Variants in UBXN7 observed in about 807,000 individuals in gnomAD.
UBXN7 encodes the protein UBX domain-containing protein 7.
UBXN7 carries 9 observed loss-of-function variants against 58.0 expected under a neutral mutation model. The observed-to-expected ratio is 0.16, with a 90% CI of 0.09 to 0.27. UBXN7 has a LOEUF of 0.27. Among genes scored for constraint, UBXN7 ranks in the 10% least tolerant of loss-of-function variants. The probability of loss-of-function intolerance (pLI) is 1.00; values close to 1 mark genes in which losing one functional copy is unlikely to be tolerated. For synonymous variants in UBXN7, 208 were observed against 205.0 expected (o/e 1.01, Z -0.12); for missense variants, 328 against 599.6 (o/e 0.55, Z 4.73).
At chr3:196,418,189 A>G (rs1730564657) in intron 1 of UBXN7, among the ~76,000 whole-genome samples, 1 of 151,974 alleles carries the variant, frequency 6.6e-6, no homozygotes, top group Non-Finnish European at 1.5e-5. Context: ...GTGGGCCGAG[A>G]TCACGCCACT....
In UBXN7 at chr3:196,407,369, T is replaced by C; in HGVS notation, c.98A>G (p.His33Arg). Residue 33 changes from histidine to arginine, a missense_variant, in exon 2 of 11, where the codon CAT becomes CGT. Physicochemically the swap from His to Arg is conservative, Grantham distance 29. Around this residue, in one of 4 missense-constraint regions of UBXN7, gnomAD observed 106 missense variants for 124.3 expected, o/e 0.85. Transcript: ENST00000296328. ...ATTATTGTTGCACGCTTCAAGCATA[T>C]GTTTTCCTACACTTTCACTTGCACC... is the stretch of plus-strand genomic sequence containing the variant. Reference protein sequence around the residue: ...ITGASESVGKHMLEACNNNLE... With the variant: ...ITGASESVGKRMLEACNNNLE... The C allele has an allele frequency of 1.2e-6, 2 of 1,612,410 alleles. No individual in the cohort carries two copies. Among genetic ancestry groups the C allele is most frequent in the East Asian group, 2.2e-5 (1 of 44,826 alleles).
chr3:196,380,428 T>C (rs1338158469), intron 5 of UBXN7, among the ~76,000 whole-genome samples: 2 of 152,110 alleles, frequency 1.3e-5, no homozygotes, highest in Non-Finnish European at 2.9e-5. Context: ...ATTCTGCAAC[T>C]CTAATAACTT....
At chr3:196,429,931 A>G (rs907947594) in intron 1 of UBXN7, among the ~76,000 whole-genome samples, 3 of 152,254 alleles carry the variant, frequency 2.0e-5, no homozygotes. Flanking sequence ...AAGTGAGTCA[A>G]TTCAACTCAC....
At chr3:196,357,855 C>T (rs1262240622) in intron 10 of UBXN7, among the ~76,000 whole-genome samples, 2 of 151,286 alleles carry the variant, frequency 1.3e-5, no homozygotes, top group African/African-American at 2.4e-5. Flanking sequence ...CAATCTTCAT[C>T]TCAAAAAAAG....
intron 8 of UBXN7, among the ~76,000 whole-genome samples, chr3:196,366,585 A>G (rs1728673762): frequency 6.6e-6 from 1 of 151,978 alleles, no homozygotes; most frequent in Admixed American, 6.6e-5. Flanking sequence ...CAATACAATA[A>G]ATACAATACA....
intron 1 of UBXN7, among the ~76,000 whole-genome samples, chr3:196,417,723 TTAAAAAAAAA>T (rs1429500767): frequency 6.4e-5 from 5 of 78,438 alleles, no homozygotes; most frequent in Non-Finnish European, 1.2e-4. Flanking sequence ...GGCAAAATGG[TTAAAAAAAAA>T]AAAAAAAAAA....
intron 5 of UBXN7, among the ~76,000 whole-genome samples, chr3:196,391,122 T>C (rs143036615): frequency 3.8e-4 from 58 of 152,270 alleles, no homozygotes; most frequent in Admixed American, 3.6e-3. Flanking sequence ...CACAGAAATA[T>C]AGACAAAAGA....
At chr3:196,417,083 G>T (rs1018466397) in intron 1 of UBXN7, among the ~76,000 whole-genome samples, 3 of 152,210 alleles carry the variant, frequency 2.0e-5, no homozygotes, top group African/African-American at 7.2e-5. Flanking sequence ...GGGGGCCGAG[G>T]CGGGCGGATC....
chr3:196,398,133 T>C (rs547150256), intron 3 of UBXN7, among the ~76,000 whole-genome samples: 2 of 152,322 alleles, frequency 1.3e-5, no homozygotes, highest in East Asian at 3.9e-4. Flanking sequence ...TCATTTGCTC[T>C]GTGTTAAGAA....
intron 10 of UBXN7, among the ~76,000 whole-genome samples, chr3:196,360,241 G>A (rs1171893522): frequency 6.6e-6 from 1 of 152,184 alleles, no homozygotes; most frequent in Non-Finnish European, 1.5e-5. Flanking sequence ...GTTCACGAAG[G>A]TAACAACACT....
chr3:196,423,823 A>G (rs1157173733), intron 1 of UBXN7, among the ~76,000 whole-genome samples: 5 of 152,138 alleles, frequency 3.3e-5, no homozygotes, highest in Non-Finnish European at 7.4e-5. Flanking sequence ...TCTTGAAGCT[A>G]ATTGTGTTAG....
rs193202344 is a variant in UBXN7, at chr3:196,362,529, G to A, written c.993C>T (p.Ser331=). 5.6e-4 allele frequency: 900 copies of A among 1,614,114 alleles called. 5 individuals carry two copies. The highest frequency in any genetic ancestry group is 5.1e-3 in the East Asian group (231 of 44,874). ...CTTCTTCTTCATCAGAGCCACAAAC[G>A]GATATGAACTCCTCACTGCCAGAAA... is the stretch of plus-strand genomic sequence containing the variant. ...ELFSGSEEFI[S]VCGSDEEEEV... is the part of the protein sequence containing the mutation. Residue 331 remains serine, a synonymous_variant, in exon 9 of 11, where the codon TCC becomes TCT. Coordinates refer to ENST00000296328, the MANE Select transcript of UBXN7 (RefSeq NM_015562.2).
chr3:196,412,387 C>T (rs1011678718), intron 1 of UBXN7, among the ~76,000 whole-genome samples: 1 of 151,234 alleles, frequency 6.6e-6, no homozygotes, highest in Non-Finnish European at 1.5e-5. Flanking sequence ...TTTTTAGTAC[C>T]AGCTTATACC....
rs1360399012 is a variant in UBXN7 at position 196,353,950 on chromosome 3, C to A, written c.*2735G>T. 6.6e-6 allele frequency: 1 copy of A among 152,008 alleles called. No individual in the cohort carries two copies. Among genetic ancestry groups the A allele is most frequent in the Non-Finnish European group, 1.5e-5 (1 of 68,008 alleles). The allele number at this position is 152,008 out of a possible 1,614,324, so 9.4% of individuals were successfully genotyped here. On this transcript the variant is annotated 3_prime_UTR_variant, in exon 11 of 11. Coordinates refer to ENST00000296328, the MANE Select transcript of UBXN7 (RefSeq NM_015562.2). Reference sequence around the variant, plus strand: ...TATTTTTAACTAATCTTACTGACCTCATTTAATCTATTCAATAAAACCTCT... The same window carrying A: ...TATTTTTAACTAATCTTACTGACCTAATTTAATCTATTCAATAAAACCTCT...
chr3:196,425,402 A>G (rs1382009692), intron 1 of UBXN7, among the ~76,000 whole-genome samples: 2 of 152,038 alleles, frequency 1.3e-5, no homozygotes, highest in African/African-American at 4.8e-5. Flanking sequence ...AAAAAGGTCA[A>G]ATCAGATGTA....
At chr3:196,384,716 T>C (rs1223157260) in intron 5 of UBXN7, among the ~76,000 whole-genome samples, 5 of 152,134 alleles carry the variant, frequency 3.3e-5, no homozygotes, top group South Asian at 2.1e-4. Flanking sequence ...ATTATCTCAA[T>C]AGATGCAGAA....
intron 1 of UBXN7, chr3:196,431,828 C>G (rs1577487608): frequency 2.5e-6 from 1 of 400,354 alleles, no homozygotes; most frequent in South Asian, 1.7e-5. Context: ...GCCAGGGCCA[C>G]GGCGATGGCT....
chr3:196,401,248 C>CAAAAAAAAAAAA (rs35766312), intron 3 of UBXN7, among the ~76,000 whole-genome samples: 1 of 2,274 alleles, frequency 4.4e-4, no homozygotes, highest in African/African-American at 1.5e-3. Context: ...CCCGTCTCTC[C>CAAAAAAAAAAAA]AAAAAAAAAA....
chr3:196,363,241 TACA>T (rs1728558260), intron 8 of UBXN7, among the ~76,000 whole-genome samples: 1 of 118,968 alleles, frequency 8.4e-6, no homozygotes, highest in Non-Finnish European at 1.8e-5. Flanking sequence ...CATACATACA[TACA>T]TACATAAATA....
Sources: allele counts gnomAD v4.1 joint callset (sites outside exome capture counted in the v4.1 genomes callset), GRCh38; gene constraint gnomAD v4.1.1; regional missense constraint gnomAD v4.1.1; transcripts MANE v1.5; gene names NCBI Gene and HGNC (gene_info 2026-07-23, HGNC 2026-07-21).